The following ZDHHC14 variants were observed in gnomAD, a reference collection of about 807,000 sequenced individuals.
ZDHHC14 encodes the protein palmitoyltransferase ZDHHC14.
Under a neutral mutation model 47.7 loss-of-function variants are expected in ZDHHC14, and 16 were observed. That is an observed-to-expected ratio of 0.34 (90% CI 0.23 to 0.51). The LOEUF (loss-of-function observed/expected upper bound fraction) is 0.51, where lower values mean the gene tolerates loss of function less well. Among genes scored for constraint, ZDHHC14 ranks in the 20% least tolerant of loss-of-function variants. The pLI, the probability that ZDHHC14 is intolerant of heterozygous loss-of-function variation, is 0.97. For missense variants in ZDHHC14, 515 were observed against 662.5 expected (o/e 0.78, Z 2.44); for synonymous variants, 293 against 278.9 (o/e 1.05, Z -0.50).
At chr6:157,617,373 G>A (rs1345248032) in intron 3 of ZDHHC14, among the ~76,000 whole-genome samples, 1 of 152,142 alleles carries the variant, frequency 6.6e-6, no homozygotes, top group African/African-American at 2.4e-5. Flanking sequence ...AAGTTTTCCA[G>A]AGGGTCCTCG....
chr6:157,581,298 G>GT (rs34798011), intron 2 of ZDHHC14, among the ~76,000 whole-genome samples: 53,724 of 145,516 alleles, frequency 0.37, 9,897 homozygotes, highest in East Asian at 0.51. Context: ...TAGTTGGTAT[G>GT]TTTTTTTTTT....
chr6:157,453,630 C>A (rs112577575), intron 1 of ZDHHC14, among the ~76,000 whole-genome samples: 22,588 of 152,228 alleles, frequency 0.15, 2,186 homozygotes, highest in Non-Finnish European at 0.21. Context: ...CAGTGTCATT[C>A]ATTCAGTAGG....
At chr6:157,628,251 T>A in intron 3 of ZDHHC14, 98 bp from the exon 4 acceptor site, 1 of 1,208,268 alleles carries the variant, frequency 8.3e-7, no homozygotes, top group Non-Finnish European at 1.1e-6. Context: ...TGTGTTATAC[T>A]ATCAGAGTAT....
At chr6:157,397,571 C>G (rs182810117) in intron 1 of ZDHHC14, among the ~76,000 whole-genome samples, 189 of 152,296 alleles carry the variant, frequency 1.2e-3, no homozygotes, top group Admixed American at 2.9e-3. Context: ...TTTAAGAACC[C>G]ATGGGATTCC....
chr6:157,493,291 T>C (rs1467728284), intron 1 of ZDHHC14, among the ~76,000 whole-genome samples: 1 of 152,194 alleles, frequency 6.6e-6, no homozygotes, highest in Non-Finnish European at 1.5e-5. Flanking sequence ...GATGAAGGCC[T>C]GTCTGCAGGC....
chr6:157,548,554 C>G (rs142272142), intron 2 of ZDHHC14, among the ~76,000 whole-genome samples: 4,621 of 152,312 alleles, frequency 0.03, 109 homozygotes, highest in Non-Finnish European at 0.049. Flanking sequence ...TCAAGCAATT[C>G]TCCTGCCTCA....
chr6:157,508,738 T>G (rs1228448789), intron 1 of ZDHHC14, among the ~76,000 whole-genome samples: 1 of 152,206 alleles, frequency 6.6e-6, no homozygotes, highest in Non-Finnish European at 1.5e-5. Flanking sequence ...CTTGATCTTT[T>G]TGTTGCACTT....
chr6:157,671,937 T>C (rs1224170195), intron 8 of ZDHHC14, among the ~76,000 whole-genome samples: 1 of 152,218 alleles, frequency 6.6e-6, no homozygotes, highest in Non-Finnish European at 1.5e-5. Flanking sequence ...CAACCACCAC[T>C]ACCACCCATC....
chr6:157,619,283 C>T (rs1450413719), intron 3 of ZDHHC14, among the ~76,000 whole-genome samples: 3 of 151,796 alleles, frequency 2.0e-5, no homozygotes, highest in Non-Finnish European at 4.4e-5. Flanking sequence ...TCCAGCTACT[C>T]GGGAGCCTGA....
chr6:157,608,175 T>A (rs1784613995), intron 3 of ZDHHC14, among the ~76,000 whole-genome samples: 1 of 152,182 alleles, frequency 6.6e-6, no homozygotes, highest in Non-Finnish European at 1.5e-5. Context: ...TTTGCCGTCA[T>A]GCTGTATGTG....
intron 3 of ZDHHC14, among the ~76,000 whole-genome samples, chr6:157,605,159 A>G (rs1271928669): frequency 2.6e-5 from 4 of 152,196 alleles, no homozygotes; most frequent in African/African-American, 9.7e-5. Context: ...AAAGCTTAAT[A>G]TGTGTTTGCA....
intron 2 of ZDHHC14, among the ~76,000 whole-genome samples, chr6:157,574,825 G>A (rs963774130): frequency 3.3e-5 from 5 of 152,120 alleles, no homozygotes; most frequent in African/African-American, 7.2e-5. Context: ...TTCCCTAGCC[G>A]ATTTGTCTTT....
At chr6:157,596,241 T>C (rs1486810568) in intron 3 of ZDHHC14, among the ~76,000 whole-genome samples, 2 of 151,118 alleles carry the variant, frequency 1.3e-5, no homozygotes, top group African/African-American at 2.4e-5. Context: ...CACTGAGAAG[T>C]GTAATTGCAG....
Position 157,676,893 on chromosome 6 carries a change from C to G in ZDHHC14, c.*3771C>G, listed in dbSNP as rs779888155. 6.6e-6 allele frequency: 1 copy of G among 152,218 alleles called. No homozygotes were observed. The highest frequency in any genetic ancestry group is 2.4e-5 in the African/African-American group (1 of 41,430). The allele number at this position is 152,218 out of a possible 1,614,324, so 9.4% of individuals were successfully genotyped here. On this transcript the variant is annotated 3_prime_UTR_variant, in exon 9 of 9. Transcript: ENST00000359775. ...GGGTCTTAAGTTCACCAGAAGGGAT[C>G]GGGGTTTGCGTTGATATTATAAGGA...
At chr6:157,489,279 C>T (rs1206448675) in intron 1 of ZDHHC14, among the ~76,000 whole-genome samples, 3 of 152,228 alleles carry the variant, frequency 2.0e-5, no homozygotes, top group African/African-American at 4.8e-5. Context: ...AATGTGAACC[C>T]GATACATAGA....
chr6:157,540,933 T>TATATATATATATAA (rs1252700559), intron 1 of ZDHHC14, among the ~76,000 whole-genome samples: 2 of 143,448 alleles, frequency 1.4e-5, no homozygotes, highest in African/African-American at 5.6e-5. Flanking sequence ...TATATATATA[T>TATATATATATATAA]AATTTCATAC....
intron 1 of ZDHHC14, among the ~76,000 whole-genome samples, chr6:157,426,535 G>T (rs556082610): frequency 7.2e-4 from 109 of 152,186 alleles, no homozygotes; most frequent in Non-Finnish European, 1.3e-3. Context: ...CACTCAGGGG[G>T]AGAAGCGCAC....
At chr6:157,667,753 T>G (rs1778617218) in intron 8 of ZDHHC14, among the ~76,000 whole-genome samples, 3 of 152,200 alleles carry the variant, frequency 2.0e-5, no homozygotes, top group African/African-American at 7.2e-5. Context: ...CCATCGCCCT[T>G]GGAATTCTGG....
chr6:157,412,281 T>A (rs992156543), intron 1 of ZDHHC14, among the ~76,000 whole-genome samples: 1 of 145,392 alleles, frequency 6.9e-6, no homozygotes, highest in South Asian at 2.2e-4. Context: ...TAGAATGGAG[T>A]TTTGTTGTTG....
Sources: gnomAD v4.1 joint callset for allele counts (sites outside exome capture counted in the v4.1 genomes callset) on GRCh38, gnomAD v4.1.1 for gene constraint, MANE v1.5 for transcripts, NCBI Gene and HGNC (gene_info 2026-07-23, HGNC 2026-07-21) for gene names.